Variants in CUBN observed in about 807,000 individuals in gnomAD.
CUBN encodes cubilin.
In CUBN, 282 loss-of-function variants were observed where a neutral mutation model predicts 405.3. That is an observed-to-expected ratio of 0.70 (90% CI 0.63 to 0.77). The LOEUF (loss-of-function observed/expected upper bound fraction) is 0.77, where lower values mean the gene tolerates loss of function less well. CUBN is among the 30% of genes least tolerant of loss of function. The pLI is 0.00. For synonymous variants in CUBN, 1,684 were observed against 1,617.0 expected, an observed-to-expected ratio of 1.04 and a Z score of -0.99; for missense variants, 4,514 against 4,475.2, an observed-to-expected ratio of 1.01 and a Z score of -0.25.
At chr10:17,112,458 A>T (rs1588650683) in intron 8 of CUBN, among the ~76,000 whole-genome samples, 1 of 152,134 alleles carries the variant, frequency 6.6e-6, no homozygotes, top group East Asian at 1.9e-4. Context: ...GATAAACAAG[A>T]AAACAAAAAA....
At chr10:16,948,262 G>C (rs1842837153) in intron 35 of CUBN, among the ~76,000 whole-genome samples, 1 of 152,124 alleles carries the variant, frequency 6.6e-6, no homozygotes, top group Non-Finnish European at 1.5e-5. Flanking sequence ...TAGCTGAAAA[G>C]ACAGCTACAT....
At chr10:17,061,083 C>CA (rs112976218) in intron 22 of CUBN, among the ~76,000 whole-genome samples, 12,134 of 151,622 alleles carry the variant, frequency 0.08, 594 homozygotes, top group African/African-American at 0.12. Flanking sequence ...AAAACAACAA[C>CA]AAAAAAAACC....
intron 22 of CUBN, 115 bp from the exon 23 acceptor site, chr10:17,047,718 T>C (rs1835171965): frequency 5.3e-6 from 5 of 947,532 alleles, no homozygotes; most frequent in Non-Finnish European, 8.1e-6. Flanking sequence ...CAATAAGCCA[T>C]TCTGGAATGT....
intron 27 of CUBN, among the ~76,000 whole-genome samples, chr10:17,028,652 C>T (rs1234243135): frequency 1.3e-5 from 2 of 150,336 alleles, no homozygotes; most frequent in African/African-American, 2.5e-5. Flanking sequence ...ATCTGGGAGG[C>T]GGAGGTTGCA....
At chr10:16,891,642 C>T (rs1415114797) in intron 54 of CUBN, among the ~76,000 whole-genome samples, 5 of 152,066 alleles carry the variant, frequency 3.3e-5, no homozygotes, top group African/African-American at 4.8e-5. Flanking sequence ...GGTGAGAGAT[C>T]ATGGTTATCT....
At chr10:17,080,159 G>A (rs925457685) in intron 17 of CUBN, among the ~76,000 whole-genome samples, 1 of 152,072 alleles carries the variant, frequency 6.6e-6, no homozygotes, top group African/African-American at 2.4e-5. Flanking sequence ...CATTTTCTAT[G>A]TAGTCTTTCA....
chr10:16,994,387 TA>T (rs1420666830), intron 28 of CUBN, among the ~76,000 whole-genome samples: 2 of 152,228 alleles, frequency 1.3e-5, no homozygotes, highest in African/African-American at 4.8e-5. Context: ...GTAATTTCAA[TA>T]AGTTTTTATT....
At chr10:17,059,711 C>G (rs915284428) in intron 22 of CUBN, among the ~76,000 whole-genome samples, 2 of 152,192 alleles carry the variant, frequency 1.3e-5, no homozygotes, top group East Asian at 1.9e-4. Flanking sequence ...AAAGAAGAAG[C>G]CTTCTCAATC....
At chr10:16,892,074 A>G (rs1003303908) in intron 54 of CUBN, among the ~76,000 whole-genome samples, 1 of 152,226 alleles carries the variant, frequency 6.6e-6, no homozygotes, top group Non-Finnish European at 1.5e-5. Flanking sequence ...ACATCAAGTC[A>G]TTAAAAACAT....
chr10:16,828,207 A>T (rs1838851293), intron 66 of CUBN, among the ~76,000 whole-genome samples: 1 of 152,002 alleles, frequency 6.6e-6, no homozygotes. Context: ...CCTCCCTGGG[A>T]AATCCCGATT....
At chr10:16,949,447 G>A in intron 34 of CUBN, among the ~76,000 whole-genome samples, 1 of 105,510 alleles carries the variant, frequency 9.5e-6, no homozygotes. Context: ...GTGTGTGTGT[G>A]TGTGTGTGTG....
At chr10:16,837,081 T>A (rs1467799128) in intron 62 of CUBN, among the ~76,000 whole-genome samples, 1 of 152,006 alleles carries the variant, frequency 6.6e-6, no homozygotes, top group Non-Finnish European at 1.5e-5. Context: ...AAAACTCCTG[T>A]AACTGCTCGG....
intron 23 of CUBN, 72 bp from the exon 24 acceptor site, chr10:17,046,166 G>T: frequency 7.1e-7 from 1 of 1,412,812 alleles, no homozygotes; most frequent in Non-Finnish European, 9.9e-7. Flanking sequence ...AACATAATTT[G>T]AACTTTGGGA....
At chr10:16,950,546 C>G (rs1421010856) in intron 33 of CUBN, among the ~76,000 whole-genome samples, 2 of 152,038 alleles carry the variant, frequency 1.3e-5, no homozygotes, top group Non-Finnish European at 2.9e-5. Flanking sequence ...TAAGGGTTCT[C>G]CAGCAGAGAA....
In CUBN at chr10:16,874,369, C is replaced by G. The variant is rs1458087960; in HGVS notation, c.9236+5G>C. 1.2e-6 allele frequency: 2 copies of G among 1,614,082 alleles called. No individual in the cohort carries two copies. Among genetic ancestry groups the G allele is most frequent in the Admixed American group, 1.7e-5 (1 of 60,020 alleles). ...TTCTTAAGAAAGCCAATTTGTCTTA[C>G]GTACTTGAGCTCGATCACCTTGTCG... On this transcript the variant is annotated splice_donor_5th_base_variant and intron_variant, in intron 58 of 66. Transcript: ENST00000377833.
In CUBN at chr10:16,990,345, CA is replaced by C; in HGVS notation, c.4338del (p.Phe1446LeufsTer17). Reference protein sequence around the residue: ...FDVEYHSRCNFDVLEIYGGPD... With the variant: ...FDVEYHSRCNXDVLEIYGGPD... ...ATCTCACTTCCTACCTCCAAGACAT[CA>C]AAGTTGCACCTTGAATGATACTCCA... On this transcript the variant is annotated frameshift_variant, in exon 29 of 67. Transcript: ENST00000377833. LOFTEE classifies it high-confidence loss of function. 1 of 1,614,222 alleles carries C rather than the reference CA, an allele frequency of 6.2e-7. No homozygotes were observed. The highest frequency in any genetic ancestry group is 8.5e-7 in the Non-Finnish European group (1 of 1,180,038).
intron 39 of CUBN, among the ~76,000 whole-genome samples, chr10:16,936,382 G>A (rs936459600): frequency 6.6e-6 from 1 of 152,198 alleles, no homozygotes; most frequent in Non-Finnish European, 1.5e-5. Flanking sequence ...AATATTTTAA[G>A]TAAGAGATTT....
At chr10:16,974,143 A>C (rs1398393011) in intron 31 of CUBN, among the ~76,000 whole-genome samples, 1 of 152,176 alleles carries the variant, frequency 6.6e-6, no homozygotes, top group Admixed American at 6.5e-5. Flanking sequence ...CAAATACCTA[A>C]CAATAAATCT....
intron 59 of CUBN, among the ~76,000 whole-genome samples, chr10:16,859,454 A>G (rs981906299): frequency 2.0e-5 from 3 of 152,288 alleles, no homozygotes; most frequent in African/African-American, 7.2e-5. Flanking sequence ...AATAACAACA[A>G]CAGCAACAAT....
Sources: allele counts gnomAD v4.1 joint callset (sites outside exome capture counted in the v4.1 genomes callset), GRCh38; gene constraint gnomAD v4.1.1; transcripts MANE v1.5; gene names NCBI Gene and HGNC (gene_info 2026-07-23, HGNC 2026-07-21).